The following DARS2 variants were observed in gnomAD, a reference collection of about 807,000 sequenced individuals.
DARS2 encodes aspartyl-tRNA synthetase 2, mitochondrial.
Under a neutral mutation model 83.0 loss-of-function variants are expected in DARS2, and 63 were observed. The observed-to-expected ratio is 0.76, with a 90% CI of 0.62 to 0.94. The LOEUF (loss-of-function observed/expected upper bound fraction) is 0.94, where lower values mean the gene tolerates loss of function less well. DARS2 is among the 40% of genes least tolerant of loss of function. DARS2 has a pLI of 0.00. For missense variants in DARS2, 675 were observed against 774.4 expected (o/e 0.87, Z 1.52); for synonymous variants, 250 against 269.3 (o/e 0.93, Z 0.70).
intron 12 of DARS2, among the ~76,000 whole-genome samples, chr1:173,846,989 C>T (rs190886311): frequency 2.6e-5 from 4 of 152,192 alleles, no homozygotes; most frequent in African/African-American, 7.2e-5. Context: ...TATATTTATA[C>T]TGATTATAAC....
chr1:173,839,459 T>C lies in DARS2; in HGVS notation c.933T>C (p.Pro311=). 1 of 1,614,168 alleles carries C rather than the reference T, an allele frequency of 6.2e-7. No individual in the cohort carries two copies. The highest frequency in any genetic ancestry group is 8.5e-7 in the Non-Finnish European group (1 of 1,179,996). The change falls in exon 10 of 17, where the codon CCT becomes CCC. Residue 311 remains proline, a synonymous_variant. Transcript: ENST00000649689. ...LQYSWPNDKD[P]VVVPFPTMTF... ...ATTCCTGGCCCAATGACAAAGATCCTGTGGTTGTTCCTTTTCCTACTATGA... is the reference window on the plus strand; with the variant it reads ...ATTCCTGGCCCAATGACAAAGATCCCGTGGTTGTTCCTTTTCCTACTATGA...
In DARS2 at chr1:173,858,116, C is replaced by T. The variant is rs577636691; in HGVS notation, c.*411C>T. 1 of 228,914 alleles carries T rather than the reference C, an allele frequency of 4.4e-6. No homozygotes were observed. Among genetic ancestry groups the T allele is most frequent in the African/African-American group, 2.3e-5 (1 of 44,062 alleles). 14.2% of individuals were successfully genotyped at this position (228,914 alleles called of 1,614,324 possible). ...AACTAGTGAGTTGATGGAGCATTTGCTTCATCATCCTCATCAAGAGAATCA... is the reference window on the plus strand; with the variant it reads ...AACTAGTGAGTTGATGGAGCATTTGTTTCATCATCCTCATCAAGAGAATCA... On this transcript the variant is annotated 3_prime_UTR_variant, in exon 17 of 17. Transcript: ENST00000649689.
intron 7 of DARS2, among the ~76,000 whole-genome samples, chr1:173,835,496 G>C (rs897080812): frequency 6.6e-6 from 1 of 151,444 alleles, no homozygotes; most frequent in Non-Finnish European, 1.5e-5. Flanking sequence ...CTTGATCCCA[G>C]GAGTTCAAGA....
chr1:173,845,658 G>C (rs535002260), intron 12 of DARS2, among the ~76,000 whole-genome samples: 1 of 152,068 alleles, frequency 6.6e-6, no homozygotes, highest in Non-Finnish European at 1.5e-5. Flanking sequence ...GAGCCTGGGG[G>C]TCGAGGCTAC....
At chr1:173,836,021 C>G (rs1433821074) in intron 7 of DARS2, among the ~76,000 whole-genome samples, 1 of 151,830 alleles carries the variant, frequency 6.6e-6, no homozygotes, top group Non-Finnish European at 1.5e-5. Flanking sequence ...CACGCCATTG[C>G]ACTCCAGCCT....
chr1:173,856,717 C>A lies in DARS2; in HGVS notation c.1726C>A (p.Pro576Thr). The A allele has an allele frequency of 1.2e-6, 2 of 1,613,788 alleles. No individual in the cohort carries two copies. Among genetic ancestry groups the A allele is most frequent in the Non-Finnish European group, 1.7e-6 (2 of 1,179,828 alleles). ...GCTCCAGGCTTTAGATTATGGGGCA[C>A]CCCCTCATGGAGGAATTGCCTTAGG... ...HLLQALDYGA[P>T]PHGGIALGLD... is the part of the protein sequence containing the mutation. Residue 576 changes from proline to threonine, a missense_variant, in exon 16 of 17, where the codon CCC becomes ACC. Transcript: ENST00000649689.
intron 3 of DARS2, among the ~76,000 whole-genome samples, chr1:173,829,559 T>G (rs1652717197): frequency 6.6e-6 from 1 of 151,960 alleles, no homozygotes; most frequent in Admixed American, 6.6e-5. Flanking sequence ...GCCAGCAGAT[T>G]GAGTACAGGA....
At chr1:173,833,085 A>T (rs1306170706) in intron 5 of DARS2, among the ~76,000 whole-genome samples, 5 of 152,140 alleles carry the variant, frequency 3.3e-5, no homozygotes, top group Admixed American at 6.5e-5. Flanking sequence ...GAAATCTTTA[A>T]ATTTTTTTCA....
In DARS2 at chr1:173,853,776, G is replaced by A. The variant is rs1392482415; in HGVS notation, c.1564-19G>A. ...AACCAGACATTTTCTCTAACATAAA[G>A]TATCTGTGAATCTTCTAGGCCCGTA... On this transcript the variant is annotated intron_variant, in intron 14 of 16. Coordinates refer to ENST00000649689, the MANE Select transcript of DARS2 (RefSeq NM_018122.5). 1.9e-6 allele frequency: 3 copies of A among 1,603,100 alleles called. No individual in the cohort carries two copies. The highest frequency in any genetic ancestry group is 1.7e-6 in the Non-Finnish European group (2 of 1,170,122).
At chr1:173,829,324 GA>G (rs1040136637) in intron 3 of DARS2, among the ~76,000 whole-genome samples, 21 of 151,992 alleles carry the variant, frequency 1.4e-4, no homozygotes, top group African/African-American at 4.8e-4. Context: ...TGAGGGCGTT[GA>G]AAACAAGGAT....
chr1:173,835,599 CTT>C (rs1488562934), intron 7 of DARS2, among the ~76,000 whole-genome samples: 1 of 151,686 alleles, frequency 6.6e-6, no homozygotes, highest in African/African-American at 2.4e-5. Flanking sequence ...GAACAAATCT[CTT>C]ATATATTAAA....
At chr1:173,847,831 T>G (rs918771258) in intron 12 of DARS2, among the ~76,000 whole-genome samples, 2 of 150,190 alleles carry the variant, frequency 1.3e-5, no homozygotes, top group African/African-American at 4.9e-5. Context: ...TCTGCACAGC[T>G]GTCTTTCTGA....
intron 1 of DARS2, among the ~76,000 whole-genome samples, 179 bp from the exon 2 acceptor site, chr1:173,826,508 G>C (rs899776529): frequency 2.0e-5 from 3 of 152,002 alleles, no homozygotes; most frequent in Non-Finnish European, 4.4e-5. Context: ...CACATTTGCA[G>C]GTAAATTTAA....
intron 13 of DARS2, chr1:173,851,722 T>C (rs1653676111): frequency 2.3e-6 from 1 of 439,764 alleles, no homozygotes; most frequent in African/African-American, 2.2e-5. Flanking sequence ...ATGATATAAA[T>C]TTATTTTTTC....
Position 173,856,669 on chromosome 1 carries a change from G to A in DARS2, c.1678G>A (p.Asp560Asn). The change falls in exon 16 of 17, where the codon GAT becomes AAT. Residue 560 changes from aspartate (D) to asparagine (N), a missense_variant. Transcript: ENST00000649689. ...TGAATTATCTTTTGAATTTCAGGAG[G>A]ATGTGAAAATGCTCTCCCATCTGCT... ...RYILATLLKE[D>N]VKMLSHLLQA... The A allele has an allele frequency of 6.2e-7, 1 of 1,613,878 alleles. No homozygotes were observed. The highest frequency in any genetic ancestry group is 8.5e-7 in the Non-Finnish European group (1 of 1,179,856).
chr1:173,836,228 AT>A (rs1052944023), intron 7 of DARS2, among the ~76,000 whole-genome samples: 1 of 151,644 alleles, frequency 6.6e-6, no homozygotes, highest in Non-Finnish European at 1.5e-5. Flanking sequence ...TCAAAAAGAA[AT>A]TTTTTTTAAT....
In DARS2 at chr1:173,833,567, T is replaced by C. The variant is rs1482823234; in HGVS notation, c.616+68T>C. 11 of 1,596,272 alleles carry C rather than the reference T, an allele frequency of 6.9e-6. No individual in the cohort carries two copies. In the East Asian group the frequency reaches 1.3e-4, roughly 19 times the overall value. On this transcript the variant is annotated intron_variant, in intron 6 of 16. Coordinates refer to ENST00000649689, the MANE Select transcript of DARS2 (RefSeq NM_018122.5). ...TCTTCTATTTTATTCAGCAGTTTTA[T>C]TGTATCCTTTCCTTAGCATGAGGTC...
chr1:173,828,545 A>C, intron 3 of DARS2, 146 bp downstream of exon 3: 1 of 816,064 alleles, frequency 1.2e-6, no homozygotes, highest in South Asian at 1.7e-5. Flanking sequence ...ATGTTAAGAC[A>C]TAGCAAAAAG....
chr1:173,833,245 A>C, intron 5 of DARS2, 131 bp from the exon 6 acceptor site: 1 of 722,304 alleles, frequency 1.4e-6, no homozygotes, highest in Non-Finnish European at 2.2e-6. Flanking sequence ...AATTAACAGC[A>C]TACAGTGGGC....
Sources: gnomAD v4.1 joint callset for allele counts (sites outside exome capture counted in the v4.1 genomes callset) on GRCh38, gnomAD v4.1.1 for gene constraint, MANE v1.5 for transcripts, NCBI Gene and HGNC (gene_info 2026-07-23, HGNC 2026-07-21) for gene names.